Variants in MAP2K5 observed in about 807,000 individuals in gnomAD.
MAP2K5 encodes the protein dual specificity mitogen-activated protein kinase kinase 5.
In MAP2K5, 49 loss-of-function variants were observed where a neutral mutation model predicts 83.1. The observed-to-expected ratio is 0.59, with a 90% CI of 0.47 to 0.75. The LOEUF (loss-of-function observed/expected upper bound fraction) is 0.75, where lower values mean the gene tolerates loss of function less well. Ranked by LOEUF, MAP2K5 falls within the 30% of genes least tolerant of loss-of-function variation. MAP2K5 has a pLI of 0.00. For missense variants in MAP2K5, 457 were observed against 557.5 expected (o/e 0.82, Z 1.82); for synonymous variants, 202 against 191.8 (o/e 1.05, Z -0.44).
intron 16 of MAP2K5, among the ~76,000 whole-genome samples, chr15:67,714,422 A>G: frequency 2.7e-4 from 1 of 3,664 alleles, no homozygotes; most frequent in Non-Finnish European, 8.2e-4. Context: ...GGGAAAAAAA[A>G]AAAAAAAAAA....
chr15:67,569,729 GCCT>G (rs149691155), intron 3 of MAP2K5, among the ~76,000 whole-genome samples: 1 of 152,260 alleles, frequency 6.6e-6, no homozygotes, highest in East Asian at 1.9e-4. Flanking sequence ...GCACGAGTAG[GCCT>G]CAGTCTTGGT....
chr15:67,558,360 G>A (rs970861059), intron 2 of MAP2K5, among the ~76,000 whole-genome samples: 9 of 152,156 alleles, frequency 5.9e-5, no homozygotes, highest in Non-Finnish European at 1.3e-4. Context: ...AGCATGTGAT[G>A]ACTTCTTAAA....
Position 67,750,430 on chromosome 15 carries a change from G to A in MAP2K5, c.1134+1829G>A, listed in dbSNP as rs911896977. Among the ~76,000 whole-genome samples the A allele has an allele frequency of 6.6e-6, 1 of 152,154 alleles. No homozygotes were observed. The highest frequency in any genetic ancestry group is 1.5e-5 in the Non-Finnish European group (1 of 68,024). On this transcript the variant is annotated intron_variant, in intron 19 of 21. Coordinates refer to ENST00000178640, the MANE Select transcript of MAP2K5 (RefSeq NM_145160.3). The surrounding 1 kb of genome is among the most constrained non-coding windows in gnomAD (Gnocchi z 4.2). ...TAGACAAGATGAATCATAGCATCTC[G>A]GAAAGGAAGGATTGGTGGGGTCCTG...
At chr15:67,635,019 A>G (rs1016172182) in intron 9 of MAP2K5, among the ~76,000 whole-genome samples, 2 of 152,120 alleles carry the variant, frequency 1.3e-5, no homozygotes, top group East Asian at 1.9e-4. Context: ...ATAACTTAAC[A>G]TAGTCTTCCT....
At chr15:67,557,629 G>A (rs895685158) in intron 2 of MAP2K5, among the ~76,000 whole-genome samples, 7 of 152,242 alleles carry the variant, frequency 4.6e-5, no homozygotes, top group African/African-American at 1.7e-4. Context: ...TTTAAATTTG[G>A]CATAGTATGA....
intron 2 of MAP2K5, among the ~76,000 whole-genome samples, chr15:67,560,419 T>G (rs910165944): frequency 2.0e-5 from 3 of 152,240 alleles, no homozygotes; most frequent in Non-Finnish European, 2.9e-5. Context: ...AAAGAGCAGT[T>G]TGTAAAGAAA....
intron 1 of MAP2K5, chr15:67,546,561 A>G (rs959265138): frequency 1.8e-5 from 18 of 984,944 alleles, no homozygotes; most frequent in African/African-American, 3.5e-5. Context: ...TGGCTGAACT[A>G]TGGAGGCTGA....
At chr15:67,590,355 A>G (rs142617082) in intron 6 of MAP2K5, among the ~76,000 whole-genome samples, 1,767 of 149,988 alleles carry the variant, frequency 0.012, 20 homozygotes, top group Non-Finnish European at 0.016. Flanking sequence ...TTAGGTCTTG[A>G]GTCCTTTCTC....
At chr15:67,686,447 A>G (rs1367575357) in intron 13 of MAP2K5, among the ~76,000 whole-genome samples, 1 of 151,770 alleles carries the variant, frequency 6.6e-6, no homozygotes, top group Non-Finnish European at 1.5e-5. Flanking sequence ...GTCTCACTAA[A>G]AATACAAAAA....
rs181148638 is a variant in MAP2K5, at chr15:67,765,295, G to A, written c.1135-4307G>A. ...AATCACTTGAACCCAGAAGGCAGAGGTTGCAGTGAGCCAAGATCGTGCCAC... is the reference window on the plus strand; with the variant it reads ...AATCACTTGAACCCAGAAGGCAGAGATTGCAGTGAGCCAAGATCGTGCCAC... On this transcript the variant is annotated intron_variant, in intron 19 of 21. Coordinates refer to ENST00000178640, the MANE Select transcript of MAP2K5 (RefSeq NM_145160.3). Among the ~76,000 whole-genome samples the A allele has an allele frequency of 3.9e-3, 596 of 152,344 alleles. 4 individuals are homozygous for A. Among genetic ancestry groups the A allele is most frequent in the Non-Finnish European group, 6.2e-3 (423 of 68,034 alleles).
intron 15 of MAP2K5, among the ~76,000 whole-genome samples, chr15:67,694,713 G>A (rs1474982491): frequency 1.3e-5 from 2 of 151,986 alleles, no homozygotes; most frequent in South Asian, 2.1e-4. Context: ...ATTCCTCAGG[G>A]ATCTACAACT....
rs77109780 is a variant in MAP2K5, at chr15:67,666,790, G to A, written c.847+2145G>A. Among the ~76,000 whole-genome samples, 1,190 of 152,204 alleles carry A rather than the reference G, an allele frequency of 7.8e-3. 26 individuals are homozygous for A. The highest frequency in any genetic ancestry group is 0.027 in the African/African-American group (1,118 of 41,516). Reference sequence around the variant, plus strand: ...TTGTGAGAAGAAGATATCTGTTGGGGACACAGTAGGAACAGTGGTAGAGGG... The same window carrying A: ...TTGTGAGAAGAAGATATCTGTTGGGAACACAGTAGGAACAGTGGTAGAGGG... On this transcript the variant is annotated intron_variant, in intron 13 of 21. Transcript: ENST00000178640.
intron 16 of MAP2K5, among the ~76,000 whole-genome samples, 158 bp from the exon 17 acceptor site, chr15:67,727,758 C>G (rs532665510): frequency 3.9e-5 from 6 of 152,348 alleles, no homozygotes; most frequent in Admixed American, 2.0e-4. Context: ...AAATACAGCT[C>G]TTAATGTAAT....
At chr15:67,548,354 A>C (rs1255120270) in intron 1 of MAP2K5, among the ~76,000 whole-genome samples, 1 of 152,200 alleles carries the variant, frequency 6.6e-6, no homozygotes, top group Non-Finnish European at 1.5e-5. Context: ...TGAAGGATGA[A>C]GTCAGTGAGT....
rs1389221606 is a variant in MAP2K5, at chr15:67,652,231, T to C, written c.736+5762T>C. 6.6e-6 allele frequency among the ~76,000 whole-genome samples: 1 copy of C among 152,212 alleles called. No individual in the cohort carries two copies. Among genetic ancestry groups the C allele is most frequent in the Non-Finnish European group, 1.5e-5 (1 of 68,042 alleles). On this transcript the variant is annotated intron_variant, in intron 11 of 21. Transcript: ENST00000178640. This position sits in a 1 kb window ranked among gnomAD's most constrained non-coding sequence, Gnocchi z 4.2. ...TTCGGGGTGTGTCATTAGTGCGTGT[T>C]TTTTTTAAATTATGATATAATACTC...
At chr15:67,704,789 G>A (rs1480299760) in intron 16 of MAP2K5, among the ~76,000 whole-genome samples, 1 of 152,166 alleles carries the variant, frequency 6.6e-6, no homozygotes, top group East Asian at 1.9e-4. Context: ...GTGGGACTCA[G>A]TATTGCTGTT....
chr15:67,592,825 A>G (rs2085443668), intron 6 of MAP2K5, 101 bp from the exon 7 acceptor site: 1 of 796,246 alleles, frequency 1.3e-6, no homozygotes, highest in South Asian at 1.7e-5. Context: ...AATATGCTCA[A>G]TCCCTATATG....
In MAP2K5 at chr15:67,543,453, C is replaced by G; in HGVS notation, c.118C>G (p.Leu40Val). Residue 40 changes from leucine (L) to valine (V), a missense_variant, in exon 1 of 22, where the codon CTC becomes GTC. Coordinates refer to ENST00000178640, the MANE Select transcript of MAP2K5 (RefSeq NM_145160.3). This position sits in a 1 kb window ranked among gnomAD's most constrained non-coding sequence, Gnocchi z 4.3. ...GACAGTGCACTCCGGGCCGCAGTTA[C>G]TCTTCAGGGATGTGCTGGTGAGTGG... ...DWTVHSGPQLLFRDVLDVIGQ... is the reference protein window; with the variant it reads ...DWTVHSGPQLVFRDVLDVIGQ... 5.6e-6 allele frequency: 9 copies of G among 1,614,158 alleles called. No homozygotes were observed. Among genetic ancestry groups the G allele is most frequent in the Non-Finnish European group, 7.6e-6 (9 of 1,180,036 alleles).
chr15:67,737,197 T>C (rs2089360562), intron 17 of MAP2K5, among the ~76,000 whole-genome samples: 1 of 152,204 alleles, frequency 6.6e-6, no homozygotes, highest in African/African-American at 2.4e-5. Flanking sequence ...CCCAGGATGC[T>C]CTGTGCCTGC....
Sources: gnomAD v4.1 joint callset for allele counts (sites outside exome capture counted in the v4.1 genomes callset) on GRCh38, gnomAD v4.1.1 for gene constraint, Gnocchi (gnomAD v3.1) non-coding constraint, MANE v1.5 for transcripts, NCBI Gene and HGNC (gene_info 2026-07-23, HGNC 2026-07-21) for gene names.